Variants in PTPRD observed in about 807,000 individuals in gnomAD.
The protein encoded by PTPRD is receptor-type tyrosine-protein phosphatase delta.
A neutral mutation model predicts 214.5 loss-of-function variants in PTPRD; 34 were observed. The ratio of observed to expected loss-of-function variants is 0.16; its 90% CI spans 0.12 to 0.21. PTPRD has a LOEUF of 0.21. Ranked by LOEUF, PTPRD falls within the 10% of genes least tolerant of loss-of-function variation. PTPRD has a pLI of 1.00. For missense variants in PTPRD, 2,545 were observed against 2,398.7 expected (o/e 1.06, Z -1.27); for synonymous variants, 1,128 against 845.7 (o/e 1.33, Z -5.79).
chr9:9,762,079 T>C (rs1364485954), intron 6 of PTPRD, among the ~76,000 whole-genome samples: 1 of 152,158 alleles, frequency 6.6e-6, no homozygotes, highest in African/African-American at 2.4e-5. Flanking sequence ...ATCCCAAGGC[T>C]ATAGGAAACC....
chr9:10,347,183 G>A (rs2097099120), intron 2 of PTPRD, among the ~76,000 whole-genome samples: 1 of 151,292 alleles, frequency 6.6e-6, no homozygotes, highest in South Asian at 2.1e-4. Flanking sequence ...ACACTTCATT[G>A]TCTGCCACTG....
chr9:10,092,290 TTAA>T (rs558250926), intron 3 of PTPRD, among the ~76,000 whole-genome samples: 285 of 151,556 alleles, frequency 1.9e-3, no homozygotes, highest in Non-Finnish European at 3.1e-3. Context: ...CTGTTATTCC[TTAA>T]TAAATTTTAG....
chr9:10,255,989 C>T (rs960067138), intron 3 of PTPRD, among the ~76,000 whole-genome samples: 1 of 152,258 alleles, frequency 6.6e-6, no homozygotes, highest in Admixed American at 6.5e-5. Flanking sequence ...AGCACTACTG[C>T]CTGAGCTCCA....
intron 9 of PTPRD, among the ~76,000 whole-genome samples, chr9:9,360,777 T>C (rs570683940): frequency 2.6e-5 from 4 of 151,268 alleles, no homozygotes; most frequent in Admixed American, 1.3e-4. Flanking sequence ...CAGTTTTTAA[T>C]AATAGATACA....
intron 2 of PTPRD, among the ~76,000 whole-genome samples, chr9:10,582,805 T>C (rs2072420082): frequency 6.6e-6 from 1 of 152,206 alleles, no homozygotes; most frequent in Non-Finnish European, 1.5e-5. Flanking sequence ...GCAGAAGTAA[T>C]TCAGGGTACT....
chr9:10,103,395 T>TATATATATATATATATATATATATA (rs34926923), intron 3 of PTPRD, among the ~76,000 whole-genome samples: 2,257 of 115,624 alleles, frequency 0.02, 188 homozygotes, highest in East Asian at 0.041. Flanking sequence ...ATATATATAT[T>TATATATATATATATATATATATATA]TATTTAAGAG....
At chr9:8,701,396 AG>A (rs2098080362) in intron 12 of PTPRD, 1 of 152,170 alleles carries the variant, frequency 6.6e-6, no homozygotes. Flanking sequence ...GCACTTTGGG[AG>A]GCCGAGGTGA....
Position 8,340,325 on chromosome 9 carries a change from C to G in PTPRD, c.5253+18G>C, listed in dbSNP as rs2132342023. 1 of 1,583,214 alleles carries G rather than the reference C, an allele frequency of 6.3e-7. No homozygotes were observed. The highest frequency in any genetic ancestry group is 8.6e-7 in the Non-Finnish European group (1 of 1,157,644). The stretch of plus-strand genomic sequence containing the variant: ...AGTAAATGTCTTATGAGGAGACACA[C>G]AAGGGCCACACACTTACTCTGCCCA... On this transcript the variant is annotated intron_variant, in intron 42 of 45. Coordinates refer to ENST00000381196, the MANE Select transcript of PTPRD (RefSeq NM_002839.4).
At chr9:9,712,169 T>A (rs1339514780) in intron 7 of PTPRD, among the ~76,000 whole-genome samples, 2 of 152,224 alleles carry the variant, frequency 1.3e-5, no homozygotes, top group African/African-American at 4.8e-5. Context: ...CCATTAAATT[T>A]TTTTTGTCTC....
chr9:10,532,948 G>T (rs554758965), intron 2 of PTPRD, among the ~76,000 whole-genome samples: 1 of 152,062 alleles, frequency 6.6e-6, no homozygotes, highest in African/African-American at 2.4e-5. Context: ...TCCCAGTGTG[G>T]CAGTGTTGGG....
chr9:10,048,723 C>T (rs2097455981), intron 3 of PTPRD, among the ~76,000 whole-genome samples: 1 of 152,038 alleles, frequency 6.6e-6, no homozygotes, highest in Non-Finnish European at 1.5e-5. Context: ...ATCCTCTTAG[C>T]TCCTTATCAA....
chr9:8,733,255 C>T (rs2098679583), intron 12 of PTPRD, among the ~76,000 whole-genome samples: 1 of 152,076 alleles, frequency 6.6e-6, no homozygotes, highest in African/African-American at 2.4e-5. Context: ...ACAAAGTTGT[C>T]AGTTCTGCTT....
chr9:9,701,317 A>G (rs1446025573), intron 7 of PTPRD, among the ~76,000 whole-genome samples: 1 of 152,192 alleles, frequency 6.6e-6, no homozygotes, highest in East Asian at 1.9e-4. Flanking sequence ...CAAACTAATT[A>G]AGGACAAAAG....
chr9:8,801,504 G>T (rs1230128773), intron 11 of PTPRD, among the ~76,000 whole-genome samples: 1 of 152,138 alleles, frequency 6.6e-6, no homozygotes, highest in East Asian at 1.9e-4. Flanking sequence ...ACCACCTGAG[G>T]TTGGGAGTTT....
At chr9:9,190,755 T>C (rs2099934637) in intron 9 of PTPRD, among the ~76,000 whole-genome samples, 1 of 152,124 alleles carries the variant, frequency 6.6e-6, no homozygotes, top group Non-Finnish European at 1.5e-5. Flanking sequence ...TGTACTATGA[T>C]ATCAACCCAT....
chr9:8,937,784 A>G (rs1290330482), intron 11 of PTPRD, among the ~76,000 whole-genome samples: 1 of 152,164 alleles, frequency 6.6e-6, no homozygotes, highest in Non-Finnish European at 1.5e-5. Context: ...TCTATCCATT[A>G]TTATTTTAGA....
chr9:9,572,011 T>C (rs1483879779), intron 8 of PTPRD, among the ~76,000 whole-genome samples: 1 of 150,764 alleles, frequency 6.6e-6, no homozygotes, highest in East Asian at 1.9e-4. Flanking sequence ...GGCAAAAATA[T>C]CTTAAATAGG....
intron 11 of PTPRD, among the ~76,000 whole-genome samples, chr9:8,888,571 G>C (rs1395998748): frequency 6.6e-6 from 1 of 152,172 alleles, no homozygotes; most frequent in African/African-American, 2.4e-5. Context: ...TTTATGAAAG[G>C]TTTCCCAACA....
chr9:10,026,737 G>T (rs2096930054), intron 4 of PTPRD, among the ~76,000 whole-genome samples: 1 of 152,040 alleles, frequency 6.6e-6, no homozygotes, highest in South Asian at 2.1e-4. Context: ...TATGTATCAT[G>T]ACTTTGACAC....
Sources: allele counts gnomAD v4.1 joint callset (sites outside exome capture counted in the v4.1 genomes callset), GRCh38; gene constraint gnomAD v4.1.1; transcripts MANE v1.5; gene names NCBI Gene and HGNC (gene_info 2026-07-23, HGNC 2026-07-21).